Variants in PIK3C2A observed in about 807,000 individuals in gnomAD.
The protein encoded by PIK3C2A is phosphatidylinositol 4-phosphate 3-kinase C2 domain-containing subunit alpha.
PIK3C2A carries 97 observed loss-of-function variants against 204.5 expected under a neutral mutation model. That is an observed-to-expected ratio of 0.47 (90% confidence interval 0.40 to 0.56). The LOEUF is 0.56. Among genes scored for constraint, PIK3C2A ranks in the 20% least tolerant of loss-of-function variants. PIK3C2A has a pLI of 0.00. For missense variants in PIK3C2A, 1,735 were observed against 1,969.2 expected, an observed-to-expected ratio of 0.88 and a Z score of 2.25; for synonymous variants, 653 against 664.4, an observed-to-expected ratio of 0.98 and a Z score of 0.26.
Position 17,105,297 on chromosome 11 carries a change from C to T in PIK3C2A, c.3553G>A (p.Glu1185Lys). 9 of 1,608,272 alleles carry T rather than the reference C, an allele frequency of 5.6e-6. No homozygotes were observed. The highest frequency in any genetic ancestry group is 7.6e-6 in the Non-Finnish European group (9 of 1,177,666). The change falls in exon 23 of 33, where the codon GAG (glutamate) becomes AAG (lysine). Residue 1185 changes from glutamate to lysine, a missense_variant. Physicochemically the swap from Glu to Lys is moderately conservative, Grantham distance 56. Transcript: ENST00000691414. ...AGGGTATCGGAAGCAGGAACCAGCTCCACCATGCCTTTAATGATAAAATAT... is the reference window on the plus strand; with the variant it reads ...AGGGTATCGGAAGCAGGAACCAGCTTCACCATGCCTTTAATGATAAAATAT... ...LSTGRDRGMV[E>K]LVPASDTLRK...
At chr11:17,105,971 T>C (rs11827369) in intron 22 of PIK3C2A, among the ~76,000 whole-genome samples, 4,970 of 151,512 alleles carry the variant, frequency 0.033, 279 homozygotes, top group African/African-American at 0.11. Context: ...TAGCGGGGCG[T>C]GGTGGTAGGC....
chr11:17,121,924 T>G (rs1849378529), intron 15 of PIK3C2A, among the ~76,000 whole-genome samples: 3 of 151,786 alleles, frequency 2.0e-5, no homozygotes, highest in South Asian at 2.1e-4. Context: ...AAGGTTTGAC[T>G]TGACAAATTT....
chr11:17,184,275 G>A (rs779064857), intron 1 of PIK3C2A, among the ~76,000 whole-genome samples: 19 of 151,682 alleles, frequency 1.3e-4, no homozygotes, highest in Non-Finnish European at 2.5e-4. Context: ...CCTTCAGGAG[G>A]TATTTCAGAA....
chr11:17,095,735 C>T (rs1276980814), intron 27 of PIK3C2A, among the ~76,000 whole-genome samples: 1 of 151,508 alleles, frequency 6.6e-6, no homozygotes, highest in Admixed American at 6.6e-5. Context: ...GGCAACATGG[C>T]GAAACCCCAT....
chr11:17,104,806 G>A (rs1848755923), intron 23 of PIK3C2A, among the ~76,000 whole-genome samples: 1 of 151,256 alleles, frequency 6.6e-6, no homozygotes, highest in South Asian at 2.1e-4. Flanking sequence ...AACCCAGAGA[G>A]TTTGGCCCCT....
rs190626345 is a variant in PIK3C2A, at chr11:17,099,130, G to C, written c.4118+730C>G. Among the ~76,000 whole-genome samples, 194 of 152,228 alleles carry C rather than the reference G, an allele frequency of 1.3e-3. 1 individual carries two copies. Among genetic ancestry groups the C allele is most frequent in the African/African-American group, 4.1e-3 (171 of 41,548 alleles). ...GGATGGTCTTGAACTCCCAACCTCA[G>C]GTAATCCGCCCGCCTCGGCCTTCCA... On this transcript the variant is annotated intron_variant, in intron 26 of 32. Transcript: ENST00000691414.
At chr11:17,176,865 A>G (rs1340681193) in intron 1 of PIK3C2A, among the ~76,000 whole-genome samples, 2 of 152,248 alleles carry the variant, frequency 1.3e-5, no homozygotes, top group African/African-American at 4.8e-5. Context: ...ATAAAACTGC[A>G]GCAAATATCT....
intron 22 of PIK3C2A, among the ~76,000 whole-genome samples, chr11:17,106,659 C>G (rs567054421): frequency 1.1e-3 from 162 of 152,212 alleles, no homozygotes; most frequent in African/African-American, 3.7e-3. Flanking sequence ...CCAGGCTGGT[C>G]TTGAACTCCC....
chr11:17,156,262 T>C (rs1850586450), intron 2 of PIK3C2A, among the ~76,000 whole-genome samples: 1 of 152,194 alleles, frequency 6.6e-6, no homozygotes, highest in Non-Finnish European at 1.5e-5. Flanking sequence ...TTGGTGCAAA[T>C]TTCAAATATA....
intron 8 of PIK3C2A, among the ~76,000 whole-genome samples, chr11:17,139,294 C>T (rs1849977642): frequency 6.6e-6 from 1 of 151,480 alleles, no homozygotes; most frequent in Admixed American, 6.6e-5. Context: ...GTGGCATGAT[C>T]TCAGCTCACT....
At chr11:17,112,088 T>C (rs1275252849) in intron 21 of PIK3C2A, among the ~76,000 whole-genome samples, 3 of 152,130 alleles carry the variant, frequency 2.0e-5, no homozygotes, top group Admixed American at 2.0e-4. Flanking sequence ...AACCTCCACG[T>C]GTCCAACTCA....
At chr11:17,194,157 A>G in intron 1 of PIK3C2A, 1 of 737,726 alleles carries the variant, frequency 1.4e-6, no homozygotes, top group Non-Finnish European at 1.9e-6. Context: ...AAGCTTGGGA[A>G]GCGTGCTTGT....
At chr11:17,182,139 A>G (rs1390841087) in intron 1 of PIK3C2A, among the ~76,000 whole-genome samples, 1 of 152,036 alleles carries the variant, frequency 6.6e-6, no homozygotes, top group East Asian at 1.9e-4. Flanking sequence ...CAAAGTTATA[A>G]TCAGAAAGAA....
chr11:17,183,423 C>T (rs1223683097), intron 1 of PIK3C2A, among the ~76,000 whole-genome samples: 1 of 152,192 alleles, frequency 6.6e-6, no homozygotes, highest in African/African-American at 2.4e-5. Flanking sequence ...CATCTGTAAT[C>T]CCAGAACTTT....
At chr11:17,094,530 C>G in intron 27 of PIK3C2A, 145 bp from the exon 28 acceptor site, 1 of 568,960 alleles carries the variant, frequency 1.8e-6, no homozygotes, top group Non-Finnish European at 3.1e-6. Context: ...TTGAGACCAG[C>G]CTGGGCAACA....
rs536861760 is a variant in PIK3C2A at position 17,204,179 on chromosome 11, T to C, written c.-66+3669A>G. On this transcript the variant is annotated intron_variant, in intron 1 of 32. Transcript: ENST00000691414. The stretch of plus-strand genomic sequence containing the variant: ...GCCTCTAGATCTATACTGTCCAATA[T>C]GGCAGTTACTAGTTACATGGAGCTA... 3.3e-5 allele frequency: 5 copies of C among 152,336 alleles called. No homozygotes were observed. In the East Asian group the frequency reaches 9.6e-4, roughly 29 times the overall value. 9.4% of individuals were successfully genotyped at this position (152,336 alleles called of 1,614,324 possible).
At chr11:17,167,327 T>G (rs1427241201) in intron 2 of PIK3C2A, among the ~76,000 whole-genome samples, 3 of 152,108 alleles carry the variant, frequency 2.0e-5, no homozygotes, top group African/African-American at 4.8e-5. Flanking sequence ...GTTTTTTTTT[T>G]AAGTCAACAA....
At chr11:17,155,219 C>T (rs143051923) in intron 3 of PIK3C2A, among the ~76,000 whole-genome samples, 33 of 152,248 alleles carry the variant, frequency 2.2e-4, no homozygotes, top group African/African-American at 7.9e-4. Flanking sequence ...TTAAGTCTCT[C>T]TAAAACAAAA....
chr11:17,172,841 T>C (rs1319994385), intron 1 of PIK3C2A, among the ~76,000 whole-genome samples: 1 of 152,226 alleles, frequency 6.6e-6, no homozygotes, highest in African/African-American at 2.4e-5. Flanking sequence ...GTTAACTTAT[T>C]TACTTGCTTA....
Sources: gnomAD v4.1 joint callset for allele counts (sites outside exome capture counted in the v4.1 genomes callset) on GRCh38, gnomAD v4.1.1 for gene constraint, MANE v1.5 for transcripts, NCBI Gene and HGNC (gene_info 2026-07-23, HGNC 2026-07-21) for gene names.